The following SEMA3A variants were observed in gnomAD, a reference collection of about 807,000 sequenced individuals.
The protein encoded by SEMA3A is semaphorin 3A, also known as semaphorin-3A.
Under a neutral mutation model 97.9 loss-of-function variants are expected in SEMA3A, and 29 were observed. The ratio of observed to expected loss-of-function variants is 0.30; its 90% CI spans 0.22 to 0.40. The LOEUF (loss-of-function observed/expected upper bound fraction) is 0.40. Among genes scored for constraint, SEMA3A ranks in the 10% least tolerant of loss-of-function variants. The pLI is 1.00. For synonymous variants in SEMA3A, 321 were observed against 323.7 expected (o/e 0.99, Z 0.09); for missense variants, 763 against 951.3 (o/e 0.80, Z 2.60).
intron 15 of SEMA3A, among the ~76,000 whole-genome samples, chr7:83,976,529 G>A (rs1280650633): frequency 6.6e-6 from 1 of 151,698 alleles, no homozygotes. Flanking sequence ...TTAAGTGAAG[G>A]TTGGTTGATG....
intron 2 of SEMA3A, among the ~76,000 whole-genome samples, chr7:84,133,389 T>A (rs1016449414): frequency 6.6e-6 from 1 of 152,176 alleles, no homozygotes; most frequent in Non-Finnish European, 1.5e-5. Flanking sequence ...CAGCTTTGAA[T>A]TTAAAACTGC....
chr7:83,965,641 TA>T (rs1562943404), intron 15 of SEMA3A, among the ~76,000 whole-genome samples: 10 of 8,238 alleles, frequency 1.2e-3, no homozygotes, highest in Non-Finnish European at 2.4e-3. Flanking sequence ...TATATATATA[TA>T]TATATATATA....
chr7:84,010,990 A>C, intron 9 of SEMA3A, 32 bp downstream of exon 9: 1 of 1,487,604 alleles, frequency 6.7e-7, no homozygotes. Context: ...AATAACATTA[A>C]GTTTCTATAA....
intron 15 of SEMA3A, among the ~76,000 whole-genome samples, chr7:83,964,543 A>G (rs773825149): frequency 3.3e-5 from 5 of 152,136 alleles, no homozygotes; most frequent in Non-Finnish European, 7.3e-5. Flanking sequence ...TCCCTGTACA[A>G]GGCCTGTGTC....
chr7:83,974,584 A>G (rs894811850), intron 15 of SEMA3A, among the ~76,000 whole-genome samples: 2 of 152,174 alleles, frequency 1.3e-5, no homozygotes, highest in African/African-American at 2.4e-5. Context: ...AAGACAACAT[A>G]CATGATTTAG....
At chr7:84,010,977 C>T in intron 9 of SEMA3A, 45 bp downstream of exon 9, 1 of 1,419,584 alleles carries the variant, frequency 7.0e-7, no homozygotes, top group Non-Finnish European at 9.7e-7. Flanking sequence ...TGGATAGCAC[C>T]TAAATAACAT....
intron 2 of SEMA3A, among the ~76,000 whole-genome samples, chr7:84,323,630 C>T (rs1461858953): frequency 6.6e-6 from 1 of 152,076 alleles, no homozygotes; most frequent in African/African-American, 2.4e-5. Context: ...TGCTTCCATG[C>T]TAAATATGAC....
chr7:84,429,516 T>TTTTATAAATATA (rs1554385260), intron 1 of SEMA3A, among the ~76,000 whole-genome samples: 1 of 72,420 alleles, frequency 1.4e-5, no homozygotes, highest in Non-Finnish European at 2.3e-5. Flanking sequence ...ATAGAGTTTG[T>TTTTATAAATATA]TATATATATA....
At chr7:84,467,318 C>T (rs1240436236) in intron 1 of SEMA3A, among the ~76,000 whole-genome samples, 1 of 151,890 alleles carries the variant, frequency 6.6e-6, no homozygotes. Context: ...GTCAGGAGAT[C>T]GAGACCATCC....
intron 3 of SEMA3A, among the ~76,000 whole-genome samples, chr7:84,261,957 T>C (rs1799866707): frequency 6.6e-6 from 1 of 152,056 alleles, no homozygotes; most frequent in Admixed American, 6.5e-5. Flanking sequence ...ATCTTTTTTC[T>C]TAGAGAGGAA....
chr7:83,967,399 A>G (rs1390868846), intron 15 of SEMA3A, among the ~76,000 whole-genome samples: 1 of 152,146 alleles, frequency 6.6e-6, no homozygotes, highest in Non-Finnish European at 1.5e-5. Context: ...AACAGAAATA[A>G]TATTTCGGTT....
intron 3 of SEMA3A, among the ~76,000 whole-genome samples, chr7:84,211,786 G>A (rs1229783748): frequency 1.3e-5 from 2 of 152,110 alleles, no homozygotes; most frequent in Non-Finnish European, 2.9e-5. Flanking sequence ...TGTATTTTAG[G>A]TACCCATAAG....
rs1788302473 is a variant in SEMA3A at position 83,957,115 on chromosome 7, CAT to C, written c.*4254_*4255del. The C allele has an allele frequency of 6.6e-6, 1 of 152,350 alleles. No homozygotes were observed. The highest frequency in any genetic ancestry group is 1.5e-5 in the Non-Finnish European group (1 of 68,272). 9.4% of individuals were successfully genotyped at this position (152,350 alleles called of 1,614,324 possible). On this transcript the variant is annotated 3_prime_UTR_variant, in exon 17 of 17. Transcript: ENST00000265362. Reference sequence around the variant, plus strand: ...CACAGTCTAGAAATGGAGATGGAAACATAAACAAATAAATCACACATTGGGGT... The same window carrying C: ...CACAGTCTAGAAATGGAGATGGAAACAAACAAATAAATCACACATTGGGGT...
intron 1 of SEMA3A, among the ~76,000 whole-genome samples, chr7:84,453,679 T>C (rs79524673): frequency 6.6e-6 from 1 of 152,210 alleles, no homozygotes; most frequent in Non-Finnish European, 1.5e-5. Flanking sequence ...AAAGTCTACA[T>C]TGTCTGTATT....
intron 3 of SEMA3A, among the ~76,000 whole-genome samples, chr7:84,243,932 G>A (rs1050634018): frequency 6.6e-6 from 1 of 152,110 alleles, no homozygotes; most frequent in East Asian, 1.9e-4. Flanking sequence ...TTAATCCTGA[G>A]TTCTAATTTG....
chr7:84,048,124 T>C (rs1792431905), intron 5 of SEMA3A, among the ~76,000 whole-genome samples: 1 of 152,048 alleles, frequency 6.6e-6, no homozygotes, highest in Non-Finnish European at 1.5e-5. Context: ...TTAGATAATA[T>C]GTTGAGTATA....
At chr7:84,344,960 G>A (rs1479387638) in intron 2 of SEMA3A, among the ~76,000 whole-genome samples, 6 of 152,106 alleles carry the variant, frequency 3.9e-5, no homozygotes, top group African/African-American at 7.2e-5. Flanking sequence ...TCCAGAATAC[G>A]TAAAGAACAT....
chr7:84,392,037 C>A (rs1007970563), intron 1 of SEMA3A, among the ~76,000 whole-genome samples: 1 of 151,686 alleles, frequency 6.6e-6, no homozygotes, highest in Non-Finnish European at 1.5e-5. Flanking sequence ...TTTTTGAATA[C>A]AATGTGGCAT....
At chr7:84,384,328 A>G (rs1421769131) in intron 1 of SEMA3A, among the ~76,000 whole-genome samples, 1 of 152,224 alleles carries the variant, frequency 6.6e-6, no homozygotes, top group Non-Finnish European at 1.5e-5. Context: ...AAGAGTAGGA[A>G]AGAGTCAGAT....
Sources: gnomAD v4.1 joint callset for allele counts (sites outside exome capture counted in the v4.1 genomes callset) on GRCh38, gnomAD v4.1.1 for gene constraint, MANE v1.5 for transcripts, NCBI Gene and HGNC (gene_info 2026-07-23, HGNC 2026-07-21) for gene names.